Variants in UNC13C observed in about 807,000 individuals in gnomAD.
UNC13C encodes protein unc-13 homolog C.
In UNC13C, 174 loss-of-function variants were observed where a neutral mutation model predicts 245.4. The observed-to-expected ratio is 0.71, with a 90% CI of 0.63 to 0.80. The LOEUF is 0.80. Ranked by LOEUF, UNC13C falls within the 30% of genes least tolerant of loss-of-function variation. UNC13C has a pLI of 0.00. For missense variants in UNC13C, 2,829 were observed against 2,602.9 expected, an observed-to-expected ratio of 1.09 and a Z score of -1.89; for synonymous variants, 992 against 895.1, an observed-to-expected ratio of 1.11 and a Z score of -1.93.
rs77589764 is a variant in UNC13C, at chr15:54,347,021, G to A, written c.4713+8532G>A. Among the ~76,000 whole-genome samples the A allele has an allele frequency of 4.2e-3, 634 of 152,230 alleles. 27 individuals are homozygous for A. The East Asian group carries it at 0.087, about 21-fold the overall frequency. On this transcript the variant is annotated intron_variant, in intron 17 of 32. Transcript: ENST00000260323. ...TATGTGAAAATAAAACCTGTAATCC[G>A]AAGGTTATTTTAGGAACCTGGAACA...
intron 19 of UNC13C, among the ~76,000 whole-genome samples, chr15:54,460,981 A>G (rs1172808674): frequency 6.6e-6 from 1 of 152,154 alleles, no homozygotes; most frequent in African/African-American, 2.4e-5. Context: ...AGAGTGGAAC[A>G]TATTTTATGT....
At chr15:53,969,343 C>A in the UNC13C span, among the ~76,000 whole-genome samples, 3 of 152,218 alleles carry the variant, frequency 2.0e-5, no homozygotes, top group Non-Finnish European at 4.4e-5. Flanking sequence ...CTAACTCAAG[C>A]AGGAATTTGA....
At chr15:54,450,919 A>C (rs956272146) in intron 19 of UNC13C, among the ~76,000 whole-genome samples, 1 of 152,150 alleles carries the variant, frequency 6.6e-6, no homozygotes, top group South Asian at 2.1e-4. Flanking sequence ...GAACCACCCA[A>C]GAGTTTCTTT....
chr15:54,473,028 C>A (rs71474876), intron 19 of UNC13C, among the ~76,000 whole-genome samples: 1 of 151,652 alleles, frequency 6.6e-6, no homozygotes, highest in Admixed American at 6.6e-5. Flanking sequence ...ACCCCCACAT[C>A]TAGTACTCCC....
At chr15:54,058,201 T>G (rs1306885452) in intron 2 of UNC13C, among the ~76,000 whole-genome samples, 2 of 151,624 alleles carry the variant, frequency 1.3e-5, no homozygotes, top group Non-Finnish European at 2.9e-5. Flanking sequence ...TCAACAAAAC[T>G]GATAGACAAC....
At chr15:54,567,172 T>G (rs534099642) in intron 29 of UNC13C, among the ~76,000 whole-genome samples, 1 of 152,050 alleles carries the variant, frequency 6.6e-6, no homozygotes, top group South Asian at 2.1e-4. Flanking sequence ...ATTATCTTAT[T>G]TATAAATATT....
intron 7 of UNC13C, among the ~76,000 whole-genome samples, chr15:54,246,415 T>TG (rs199605451): frequency 1.7e-4 from 20 of 116,366 alleles, no homozygotes; most frequent in Middle Eastern, 4.3e-3. Context: ...AAAATAATGT[T>TG]TTTTTTTTTT....
chr15:54,544,155 A>G (rs554576051), intron 26 of UNC13C, among the ~76,000 whole-genome samples: 1 of 152,176 alleles, frequency 6.6e-6, no homozygotes, highest in East Asian at 1.9e-4. Context: ...CAAATCAGTA[A>G]ATGTAATCCA....
intron 19 of UNC13C, among the ~76,000 whole-genome samples, chr15:54,476,848 G>A (rs1264046018): frequency 6.6e-6 from 1 of 151,266 alleles, no homozygotes; most frequent in Non-Finnish European, 1.5e-5. Context: ...TGTGAAGAAA[G>A]TCATTGGTAG....
At chr15:54,320,471 T>A (rs1008726295) in intron 13 of UNC13C, among the ~76,000 whole-genome samples, 1 of 152,012 alleles carries the variant, frequency 6.6e-6, no homozygotes, top group African/African-American at 2.4e-5. Context: ...AAAAAATATC[T>A]GCATTAAAAA....
At chr15:53,892,652 G>T in the UNC13C span, among the ~76,000 whole-genome samples, 1 of 151,516 alleles carries the variant, frequency 6.6e-6, no homozygotes, top group South Asian at 2.1e-4. Context: ...CCTTTCTTCC[G>T]CTTGATTGAT....
At chr15:54,251,154 T>C (rs2036142919) in intron 8 of UNC13C, among the ~76,000 whole-genome samples, 1 of 152,210 alleles carries the variant, frequency 6.6e-6, no homozygotes. Flanking sequence ...GATATGCTTC[T>C]GCATTTACAG....
At chr15:54,563,704 A>T (rs568139014) in intron 29 of UNC13C, among the ~76,000 whole-genome samples, 1 of 152,176 alleles carries the variant, frequency 6.6e-6, no homozygotes, top group South Asian at 2.1e-4. Flanking sequence ...ATGAGTAGTA[A>T]TCAACTATAC....
the UNC13C span, among the ~76,000 whole-genome samples, chr15:53,951,740 A>G: frequency 6.6e-6 from 1 of 152,184 alleles, no homozygotes; most frequent in Non-Finnish European, 1.5e-5. Context: ...ATGCTAGGAA[A>G]AAATTACTTA....
At chr15:54,293,138 G>A (rs1040654809) in intron 10 of UNC13C, among the ~76,000 whole-genome samples, 1 of 151,698 alleles carries the variant, frequency 6.6e-6, no homozygotes, top group African/African-American at 2.4e-5. Context: ...AGAGTTGATT[G>A]CAACTAAATG....
At chr15:54,348,950 AGTTAGGGAATGAT>A (rs1212640557) in intron 17 of UNC13C, among the ~76,000 whole-genome samples, 4 of 151,924 alleles carry the variant, frequency 2.6e-5, no homozygotes, top group Non-Finnish European at 5.9e-5. Context: ...CATTGGCATT[AGTTAGGGAATGAT>A]GTTTATTCTG....
At chr15:54,169,145 TTGCTTAAAAG>T (rs1361114616) in intron 4 of UNC13C, among the ~76,000 whole-genome samples, 2 of 152,184 alleles carry the variant, frequency 1.3e-5, no homozygotes, top group African/African-American at 4.8e-5. Context: ...AAGCAGGCAT[TTGCTTAAAAG>T]TTTTTCAAAT....
intron 4 of UNC13C, among the ~76,000 whole-genome samples, chr15:54,190,252 T>C (rs1428832911): frequency 6.6e-6 from 1 of 152,164 alleles, no homozygotes; most frequent in East Asian, 1.9e-4. Context: ...CATACAAGCT[T>C]TTCTTTTTCT....
chr15:54,040,435 C>A (rs1237936147), intron 2 of UNC13C, among the ~76,000 whole-genome samples: 3 of 152,082 alleles, frequency 2.0e-5, no homozygotes, highest in African/African-American at 4.8e-5. Context: ...CCACCCCAGA[C>A]CTACTTAATC....
Sources: allele counts gnomAD v4.1 joint callset (sites outside exome capture counted in the v4.1 genomes callset), GRCh38; gene constraint gnomAD v4.1.1; transcripts MANE v1.5; gene names NCBI Gene and HGNC (gene_info 2026-07-23, HGNC 2026-07-21).